Variants in LYRM4 observed in about 807,000 individuals in gnomAD.
The protein encoded by LYRM4 is LYR motif containing 4.
In LYRM4, 9 loss-of-function variants were observed where a neutral mutation model predicts 11.7. The ratio of observed to expected loss-of-function variants is 0.77; its 90% CI spans 0.46 to 1.34. LYRM4 has a LOEUF of 1.34. Among genes scored for constraint, LYRM4 ranks in the 40% most tolerant of loss-of-function variants. The pLI is 0.00. For synonymous variants in LYRM4, 42 were observed against 40.4 expected, an observed-to-expected ratio of 1.04 and a Z score of -0.15; for missense variants, 133 against 112.5, an observed-to-expected ratio of 1.18 and a Z score of -0.82.
At chr6:5,126,277 GACCTGGCCAGAGCCAGGCCACCAGCA>G in intron 2 of LYRM4, among the ~76,000 whole-genome samples, 1 of 152,218 alleles carries the variant, frequency 6.6e-6, no homozygotes, top group East Asian at 1.9e-4. Flanking sequence ...CTTTGCTAGT[GACCTGGCCAGAGCCAGGCCACCAGCA>G]CCAACTGAGT....
At chr6:5,120,982 G>T (rs1763429216) in intron 2 of LYRM4, among the ~76,000 whole-genome samples, 1 of 152,174 alleles carries the variant, frequency 6.6e-6, no homozygotes, top group Non-Finnish European at 1.5e-5. Flanking sequence ...GGTAGTTGGG[G>T]GGTGGGGGCA....
At chr6:5,109,798 C>T (rs922267644) in intron 2 of LYRM4, among the ~76,000 whole-genome samples, 9 of 152,232 alleles carry the variant, frequency 5.9e-5, no homozygotes, top group Non-Finnish European at 1.2e-4. Context: ...GCAGAGCTGT[C>T]AGATGTGTGC....
At chr6:5,154,689 C>T (rs571000074) in intron 2 of LYRM4, among the ~76,000 whole-genome samples, 1 of 152,032 alleles carries the variant, frequency 6.6e-6, no homozygotes. Context: ...CGTGGTGTCA[C>T]GCGCCTGTAG....
the LYRM4 span, among the ~76,000 whole-genome samples, chr6:5,035,211 C>A: frequency 6.6e-6 from 1 of 152,072 alleles, no homozygotes; most frequent in East Asian, 1.9e-4. Context: ...TACCTCGAAT[C>A]ACAAGAATTG....
the LYRM4 span, among the ~76,000 whole-genome samples, chr6:5,071,909 T>G: frequency 6.6e-6 from 1 of 152,154 alleles, no homozygotes; most frequent in East Asian, 1.9e-4. Context: ...CCTCCCAAAG[T>G]GCTGGGATTA....
intron 1 of LYRM4, among the ~76,000 whole-genome samples, chr6:5,234,624 A>G (rs1054992148): frequency 6.6e-6 from 1 of 152,216 alleles, no homozygotes; most frequent in Non-Finnish European, 1.5e-5. Flanking sequence ...GCAGGCTAAT[A>G]ATAAATATAG....
chr6:5,127,747 A>G (rs978719610), intron 2 of LYRM4, among the ~76,000 whole-genome samples: 3 of 152,264 alleles, frequency 2.0e-5, no homozygotes, highest in Non-Finnish European at 2.9e-5. Context: ...GCAACTAGAC[A>G]ATTACACATA....
chr6:5,065,772 C>A, the LYRM4 span: 1 of 288,658 alleles, frequency 3.5e-6, no homozygotes, highest in East Asian at 1.1e-4. Context: ...TAAACTGCTC[C>A]ACCAAAAACG....
intron 2 of LYRM4, among the ~76,000 whole-genome samples, chr6:5,198,262 A>G (rs970044631): frequency 1.3e-5 from 2 of 152,212 alleles, no homozygotes; most frequent in African/African-American, 4.8e-5. Flanking sequence ...ACGGCTTTCA[A>G]GTACTCATAA....
the LYRM4 span, among the ~76,000 whole-genome samples, chr6:5,057,090 A>G: frequency 1.3e-5 from 2 of 152,172 alleles, no homozygotes; most frequent in Non-Finnish European, 2.9e-5. Context: ...TTTATCCATC[A>G]TTGCTTTTGC....
chr6:5,130,082 C>G (rs1763879728), intron 2 of LYRM4, among the ~76,000 whole-genome samples: 1 of 152,206 alleles, frequency 6.6e-6, no homozygotes, highest in Non-Finnish European at 1.5e-5. Context: ...TTAAGAGGTA[C>G]TAGAGAGAGG....
chr6:5,065,890 A>G, the LYRM4 span: 1 of 235,458 alleles, frequency 4.2e-6, no homozygotes, highest in South Asian at 8.3e-5. Context: ...TTGAGGGTAC[A>G]TGTTAGTTAT....
At chr6:5,235,225 C>T (rs1208825883) in intron 1 of LYRM4, among the ~76,000 whole-genome samples, 1 of 152,098 alleles carries the variant, frequency 6.6e-6, no homozygotes, top group East Asian at 1.9e-4. Context: ...TCATGGCAAC[C>T]TCCGGCTCCT....
intron 2 of LYRM4, among the ~76,000 whole-genome samples, chr6:5,209,658 A>G (rs566313984): frequency 2.0e-5 from 3 of 152,342 alleles, no homozygotes; most frequent in African/African-American, 7.2e-5. Flanking sequence ...TCATAATTCC[A>G]TGGTAACTCC....
chr6:5,090,548 G>A, the LYRM4 span, among the ~76,000 whole-genome samples: 1 of 152,188 alleles, frequency 6.6e-6, no homozygotes, highest in African/African-American at 2.4e-5. This position sits in a 1 kb window ranked among gnomAD's most constrained non-coding sequence, Gnocchi z 4.8. Context: ...GGAGCAACTG[G>A]GAATGGGGGT....
intron 2 of LYRM4, among the ~76,000 whole-genome samples, chr6:5,132,118 C>T (rs1011846881): frequency 6.6e-6 from 1 of 152,182 alleles, no homozygotes; most frequent in East Asian, 1.9e-4. Context: ...CATCTCATCT[C>T]TTAACCTCCC....
intron 2 of LYRM4, among the ~76,000 whole-genome samples, chr6:5,133,429 G>A (rs950375758): frequency 6.6e-6 from 1 of 152,166 alleles, no homozygotes; most frequent in African/African-American, 2.4e-5. Context: ...CACCACCTGT[G>A]AGGAAGGCTC....
At chr6:5,071,284 G>C in the LYRM4 span, among the ~76,000 whole-genome samples, 2 of 152,010 alleles carry the variant, frequency 1.3e-5, no homozygotes, top group Non-Finnish European at 2.9e-5. Context: ...ACTAGTTTTT[G>C]GATAACCTTT....
the LYRM4 span, among the ~76,000 whole-genome samples, chr6:5,080,593 G>A: frequency 3.9e-5 from 6 of 152,128 alleles, no homozygotes; most frequent in Non-Finnish European, 7.4e-5. Flanking sequence ...GAACTATCTC[G>A]GGCTGTGCAA....
Sources: allele counts gnomAD v4.1 joint callset (sites outside exome capture counted in the v4.1 genomes callset), GRCh38; gene constraint gnomAD v4.1.1; non-coding constraint Gnocchi (gnomAD v3.1); transcripts MANE v1.5; gene names NCBI Gene and HGNC (gene_info 2026-07-23, HGNC 2026-07-21).